Variants in UBE2Q1 observed in about 807,000 individuals in gnomAD.
UBE2Q1 encodes ubiquitin-conjugating enzyme E2 Q1.
In UBE2Q1, 6 loss-of-function variants were observed where a neutral mutation model predicts 60.1. The ratio of observed to expected loss-of-function variants is 0.10; its 90% confidence interval spans 0.05 to 0.20. The LOEUF is 0.20. Among genes scored for constraint, UBE2Q1 ranks in the 10% least tolerant of loss-of-function variants. UBE2Q1 has a pLI of 1.00. For missense variants in UBE2Q1, 262 were observed against 525.8 expected (o/e 0.50, Z 4.91); for synonymous variants, 226 against 208.3 (o/e 1.09, Z -0.73).
intron 4 of UBE2Q1, among the ~76,000 whole-genome samples, chr1:154,554,071 G>A (rs568559590): frequency 1.3e-5 from 2 of 152,294 alleles, no homozygotes; most frequent in East Asian, 3.9e-4. Context: ...TACATGCCAG[G>A]TTCTGTCCTA....
chr1:154,556,648 G>A (rs1179580381), intron 1 of UBE2Q1, among the ~76,000 whole-genome samples: 2 of 152,212 alleles, frequency 1.3e-5, no homozygotes, highest in African/African-American at 2.4e-5. Flanking sequence ...CAGCATTCCT[G>A]AGCCACGGTG....
intron 8 of UBE2Q1, 28 bp from the exon 9 acceptor site, chr1:154,552,007 G>C (rs1255710843): frequency 6.2e-7 from 1 of 1,613,968 alleles, no homozygotes; most frequent in East Asian, 2.2e-5. Context: ...GACAATCAGG[G>C]GAGGGAGGCC....
chr1:154,551,167 ATC>A (rs1695785394), intron 11 of UBE2Q1, 163 bp from the exon 12 acceptor site: 1 of 900,696 alleles, frequency 1.1e-6, no homozygotes, highest in South Asian at 1.6e-5. Context: ...TGGAGGCATA[ATC>A]CCATAGTCTT....
intron 2 of UBE2Q1, 63 bp from the exon 3 acceptor site, chr1:154,555,595 G>T: frequency 6.7e-7 from 1 of 1,491,488 alleles, no homozygotes; most frequent in Non-Finnish European, 9.4e-7. Context: ...TAAGTGCATG[G>T]ATGAGCTCTT....
At chr1:154,554,396 A>G (rs145463953) in intron 4 of UBE2Q1, among the ~76,000 whole-genome samples, 14 of 152,376 alleles carry the variant, frequency 9.2e-5, no homozygotes, top group African/African-American at 3.4e-4. Context: ...AGGTATTATA[A>G]TCCTACTTTA....
intron 10 of UBE2Q1, 44 bp from the exon 11 acceptor site, chr1:154,551,536 T>C (rs1695790365): frequency 6.3e-7 from 1 of 1,595,124 alleles, no homozygotes; most frequent in East Asian, 2.2e-5. Context: ...AGATGGAGCT[T>C]CCAGAGAACC....
At chr1:154,555,563 TC>T (rs769126752) in intron 2 of UBE2Q1, 31 bp from the exon 3 acceptor site, 1 of 1,595,144 alleles carries the variant, frequency 6.3e-7, no homozygotes. Flanking sequence ...AGACATCAAA[TC>T]CTTCCCCACT....
intron 6 of UBE2Q1, 38 bp downstream of exon 6, chr1:154,552,698 G>A (rs1438804486): frequency 8.7e-6 from 14 of 1,602,140 alleles, no homozygotes; most frequent in African/African-American, 2.7e-5. Flanking sequence ...TTCTTTATGG[G>A]TGACTCTTGT....
Position 154,549,796 on chromosome 1 carries a change from G to C in UBE2Q1, c.*642C>G, listed in dbSNP as rs1319352282. 7 of 152,748 alleles carry C rather than the reference G, an allele frequency of 4.6e-5. No homozygotes were observed. In the East Asian group the frequency reaches 9.7e-4, roughly 21 times the overall value. 9.5% of individuals were successfully genotyped at this position (152,748 alleles called of 1,614,324 possible). ...AAGTGCTGGTTGCTCCAGAGGCCTT[G>C]AGGAGAAATCTAGGGGCAGACCAGG... On this transcript the variant is annotated 3_prime_UTR_variant, in exon 13 of 13. Transcript: ENST00000292211.
In UBE2Q1 at chr1:154,555,971, G is replaced by T. The variant is rs1337623971; in HGVS notation, c.328-7C>A. The T allele has an allele frequency of 1.2e-6, 2 of 1,612,896 alleles. No homozygotes were observed. Among genetic ancestry groups the T allele is most frequent in the African/African-American group, 1.3e-5 (1 of 74,842 alleles). ...GCACAGCAGGGTATGACTCCTGAAG[G>T]GAAAAGAGCAATAAGAGCAATCAAA... On this transcript the variant is annotated splice_polypyrimidine_tract_variant and splice_region_variant and intron_variant, in intron 1 of 12. Coordinates refer to ENST00000292211, the MANE Select transcript of UBE2Q1 (RefSeq NM_017582.7).
In UBE2Q1 at chr1:154,552,857, T is replaced by C. The variant is rs1571008196; in HGVS notation, c.730-37A>G. ...GGATGACAGGAACATTCCTTGGTCG[T>C]GTGGTTTATAAACACACGTTAGACC... On this transcript the variant is annotated intron_variant, in intron 5 of 12. Coordinates refer to ENST00000292211, the MANE Select transcript of UBE2Q1 (RefSeq NM_017582.7). 4 of 1,611,940 alleles carry C rather than the reference T, an allele frequency of 2.5e-6. No homozygotes were observed. In the Admixed American group the frequency reaches 5.0e-5, roughly 20 times the overall value.
intron 2 of UBE2Q1, 141 bp from the exon 3 acceptor site, chr1:154,555,673 T>A (rs1695871516): frequency 2.1e-6 from 2 of 948,312 alleles, no homozygotes; most frequent in Non-Finnish European, 3.3e-6. Flanking sequence ...GGAATGAGTC[T>A]CCTGATGGAC....
intron 6 of UBE2Q1, 45 bp from the exon 7 acceptor site, chr1:154,552,509 G>C: frequency 6.2e-7 from 1 of 1,609,716 alleles, no homozygotes; most frequent in Non-Finnish European, 8.5e-7. Context: ...GGTCCAGGTG[G>C]TGAGTGGTCT....
At chr1:154,554,475 A>G (rs1225259079) in intron 4 of UBE2Q1, among the ~76,000 whole-genome samples, 1 of 152,220 alleles carries the variant, frequency 6.6e-6, no homozygotes, top group East Asian at 1.9e-4. Flanking sequence ...GGATGCAAAC[A>G]CAGGTTTGTT....
rs1235615465 is a variant in UBE2Q1, at chr1:154,548,781, C to T, written c.*1657G>A. On this transcript the variant is annotated 3_prime_UTR_variant, in exon 13 of 13. Coordinates refer to ENST00000292211, the MANE Select transcript of UBE2Q1 (RefSeq NM_017582.7). Reference sequence around the variant, plus strand: ...ATGGAATGAATTTTCCCCTTATGTCCCGTCTTTATCTCAACCTCAGCATGT... The same window carrying T: ...ATGGAATGAATTTTCCCCTTATGTCTCGTCTTTATCTCAACCTCAGCATGT... The T allele has an allele frequency of 1.3e-5, 2 of 152,544 alleles. No homozygotes were observed. The highest frequency in any genetic ancestry group is 2.1e-4 in the South Asian group (1 of 4,816). 9.4% of individuals were successfully genotyped at this position (152,544 alleles called of 1,614,324 possible). A position where few individuals can be genotyped will look rare whatever the true frequency, so the allele number is the denominator to read the frequency against.
intron 12 of UBE2Q1, 48 bp from the exon 13 acceptor site, chr1:154,550,517 T>C (rs773254633): frequency 1.2e-6 from 2 of 1,612,384 alleles, no homozygotes; most frequent in Non-Finnish European, 1.7e-6. Flanking sequence ...AGGCCCACCC[T>C]CCCTGTCCTG....
In UBE2Q1 at chr1:154,551,777, G is replaced by C; in HGVS notation, c.1068C>G (p.Thr356=). 1 of 1,614,184 alleles carries C rather than the reference G, an allele frequency of 6.2e-7. No individual in the cohort carries two copies. Among genetic ancestry groups the C allele is most frequent in the Non-Finnish European group, 8.5e-7 (1 of 1,180,014 alleles). The change falls in exon 10 of 13, where the codon ACC becomes ACG. Residue 356 remains threonine (T), a synonymous_variant. Transcript: ENST00000292211. ...GGGAICMELL[T]KQGWSSAYSI... The stretch of plus-strand genomic sequence containing the variant: ...GGAGGAGAGACAGGCTCACCTGTTT[G>C]GTGAGAAGTTCCATGCAGATGGCCC...
chr1:154,553,315 A>G (rs1695825189), intron 4 of UBE2Q1, 143 bp from the exon 5 acceptor site: 1 of 1,080,532 alleles, frequency 9.3e-7, no homozygotes, highest in Admixed American at 2.9e-5. Flanking sequence ...TATAAACGCA[A>G]CGTGCTTTCC....
At chr1:154,550,794 C>T in intron 12 of UBE2Q1, 144 bp downstream of exon 12, 1 of 1,551,156 alleles carries the variant, frequency 6.4e-7, no homozygotes, top group Non-Finnish European at 8.7e-7. Context: ...CCGCCAGTCC[C>T]TCCTGGGAGA....
Sources: allele counts gnomAD v4.1 joint callset (sites outside exome capture counted in the v4.1 genomes callset), GRCh38; gene constraint gnomAD v4.1.1; transcripts MANE v1.5; gene names NCBI Gene and HGNC (gene_info 2026-07-23, HGNC 2026-07-21).